The following CNTNAP2 variants were observed in gnomAD, a reference collection of about 807,000 sequenced individuals.
The protein encoded by CNTNAP2 is contactin-associated protein-like 2.
CNTNAP2 carries 98 observed loss-of-function variants against 155.2 expected under a neutral mutation model. That is an observed-to-expected ratio of 0.63 (90% CI 0.54 to 0.75). The LOEUF (loss-of-function observed/expected upper bound fraction) is 0.75, where lower values mean the gene tolerates loss of function less well. Ranked by LOEUF, CNTNAP2 falls within the 30% of genes least tolerant of loss-of-function variation. The pLI, the probability that CNTNAP2 is intolerant of heterozygous loss-of-function variation, is 0.00. For synonymous variants in CNTNAP2, 651 were observed against 631.2 expected (o/e 1.03, Z -0.47); for missense variants, 1,727 against 1,688.1 (o/e 1.02, Z -0.40).
At chr7:147,242,987 A>ATT (rs766917054) in intron 8 of CNTNAP2, among the ~76,000 whole-genome samples, 9 of 47,168 alleles carry the variant, frequency 1.9e-4, no homozygotes, top group Admixed American at 4.4e-4. Context: ...TATGCTTTGC[A>ATT]TTTTTTTTTT....
chr7:148,098,824 G>A (rs1043117720), intron 15 of CNTNAP2, among the ~76,000 whole-genome samples: 3 of 152,124 alleles, frequency 2.0e-5, no homozygotes, highest in Non-Finnish European at 4.4e-5. Flanking sequence ...CAGGCTTTCT[G>A]AATCTTACAG....
chr7:146,869,366 G>A (rs1795263794), intron 3 of CNTNAP2, among the ~76,000 whole-genome samples: 3 of 152,156 alleles, frequency 2.0e-5, no homozygotes, highest in Admixed American at 2.0e-4. Context: ...TCCCGGGCAT[G>A]AAACCTACTT....
chr7:147,947,987 G>A (rs764977805), intron 14 of CNTNAP2, among the ~76,000 whole-genome samples: 1 of 152,032 alleles, frequency 6.6e-6, no homozygotes, highest in Admixed American at 6.5e-5. Flanking sequence ...CAATAACCAA[G>A]TTAAATTCCA....
chr7:148,015,005 T>C (rs1802149855), intron 15 of CNTNAP2, among the ~76,000 whole-genome samples: 1 of 152,210 alleles, frequency 6.6e-6, no homozygotes, highest in Non-Finnish European at 1.5e-5. Flanking sequence ...TTATTATTTA[T>C]GATTGTTGAG....
At chr7:146,435,710 C>G (rs1487775706) in intron 1 of CNTNAP2, among the ~76,000 whole-genome samples, 3 of 152,164 alleles carry the variant, frequency 2.0e-5, no homozygotes, top group Non-Finnish European at 4.4e-5. Context: ...ATGCTAATCA[C>G]TTCTTAGTAA....
intron 1 of CNTNAP2, among the ~76,000 whole-genome samples, chr7:146,509,906 C>G (rs1329519738): frequency 6.6e-6 from 1 of 152,182 alleles, no homozygotes; most frequent in Non-Finnish European, 1.5e-5. Flanking sequence ...TGTCCACCAC[C>G]ACCCATGTCT....
intron 1 of CNTNAP2, among the ~76,000 whole-genome samples, chr7:146,654,664 G>T (rs1799967028): frequency 6.6e-6 from 1 of 152,080 alleles, no homozygotes; most frequent in South Asian, 2.1e-4. Flanking sequence ...TAATGTTTAT[G>T]TTGTATTTGT....
intron 1 of CNTNAP2, among the ~76,000 whole-genome samples, chr7:146,275,568 CAT>C (rs945412174): frequency 3.9e-5 from 6 of 152,152 alleles, no homozygotes; most frequent in Non-Finnish European, 8.8e-5. Context: ...AGTAAACCCA[CAT>C]GTGTGTGGGG....
At chr7:146,266,877 C>T (rs1050326389) in intron 1 of CNTNAP2, among the ~76,000 whole-genome samples, 1 of 146,936 alleles carries the variant, frequency 6.8e-6, no homozygotes, top group Admixed American at 6.7e-5. Context: ...GGAAGGTTCA[C>T]ATTGCTGAAT....
chr7:147,670,816 A>G (rs543164547), intron 13 of CNTNAP2, among the ~76,000 whole-genome samples: 2 of 152,316 alleles, frequency 1.3e-5, no homozygotes, highest in African/African-American at 4.8e-5. Flanking sequence ...ACTAGTGTGG[A>G]TAAAAAAGGC....
At chr7:146,345,653 CCACTT>C (rs1794808901) in intron 1 of CNTNAP2, among the ~76,000 whole-genome samples, 1 of 152,188 alleles carries the variant, frequency 6.6e-6, no homozygotes, top group African/African-American at 2.4e-5. Flanking sequence ...TCTTTCCACT[CCACTT>C]CACTTTCAAT....
At chr7:148,116,093 C>A (rs1307405982) in intron 15 of CNTNAP2, among the ~76,000 whole-genome samples, 1 of 150,346 alleles carries the variant, frequency 6.7e-6, no homozygotes, top group African/African-American at 2.5e-5. Flanking sequence ...GAGCCTAGAT[C>A]GTGCCACTGC....
At chr7:147,520,748 C>T (rs1270162836) in intron 11 of CNTNAP2, among the ~76,000 whole-genome samples, 3 of 152,124 alleles carry the variant, frequency 2.0e-5, no homozygotes, top group African/African-American at 7.2e-5. Context: ...ATTTTACTTT[C>T]CAGAAAATTC....
Position 146,882,257 on chromosome 7 carries a change from T to C in CNTNAP2, c.402+42353T>C, listed in dbSNP as rs59825816. The stretch of plus-strand genomic sequence containing the variant: ...TCCATGTCTTTGCTATGGTGAATAG[T>C]GCTGTAATGAACATATGAATGCATG... On this transcript the variant is annotated intron_variant, in intron 3 of 23. Coordinates refer to ENST00000361727, the MANE Select transcript of CNTNAP2 (RefSeq NM_014141.6). 4.3e-3 allele frequency among the ~76,000 whole-genome samples: 661 copies of C among 152,224 alleles called. 4 individuals carry two copies. Among genetic ancestry groups the C allele is most frequent in the African/African-American group, 0.015 (633 of 41,572 alleles).
chr7:148,133,042 C>T (rs745736499), intron 16 of CNTNAP2, among the ~76,000 whole-genome samples: 1 of 151,726 alleles, frequency 6.6e-6, no homozygotes, highest in African/African-American at 2.4e-5. Flanking sequence ...TTTAATCATA[C>T]GAATAAATGA....
intron 13 of CNTNAP2, among the ~76,000 whole-genome samples, chr7:147,898,136 A>G (rs1414045945): frequency 6.6e-6 from 1 of 152,240 alleles, no homozygotes; most frequent in Non-Finnish European, 1.5e-5. Flanking sequence ...TTAAGTCAAC[A>G]CACAGAAAAA....
chr7:147,851,749 A>G (rs1369268413), intron 13 of CNTNAP2, among the ~76,000 whole-genome samples: 3 of 123,352 alleles, frequency 2.4e-5, no homozygotes, highest in African/African-American at 9.2e-5. Context: ...ATCACACACC[A>G]AGGCCTGTCG....
At chr7:146,463,135 A>C (rs896621682) in intron 1 of CNTNAP2, among the ~76,000 whole-genome samples, 2 of 152,158 alleles carry the variant, frequency 1.3e-5, no homozygotes, top group Admixed American at 1.3e-4. Context: ...ACTGGAAATA[A>C]AAACTTAAGA....
At chr7:147,701,739 C>T (rs1358249252) in intron 13 of CNTNAP2, among the ~76,000 whole-genome samples, 4 of 152,256 alleles carry the variant, frequency 2.6e-5, no homozygotes, top group Middle Eastern at 6.8e-3. Context: ...ACTAAACAGA[C>T]GTGGTATATT....
Sources: gnomAD v4.1 joint callset for allele counts (sites outside exome capture counted in the v4.1 genomes callset) on GRCh38, gnomAD v4.1.1 for gene constraint, MANE v1.5 for transcripts, NCBI Gene and HGNC (gene_info 2026-07-23, HGNC 2026-07-21) for gene names.